Variants in FMN1 observed in about 807,000 individuals in gnomAD.
FMN1 encodes formin-1.
A neutral mutation model predicts 132.4 loss-of-function variants in FMN1; 110 were observed. The ratio of observed to expected loss-of-function variants is 0.83; its 90% CI spans 0.71 to 0.97. The LOEUF is 0.97. Ranked by LOEUF, FMN1 falls within the 50% of genes least tolerant of loss-of-function variation. FMN1 has a pLI of 0.00. For missense variants in FMN1, 1,792 were observed against 1,705.3 expected (o/e 1.05, Z -0.90); for synonymous variants, 722 against 651.7 (o/e 1.11, Z -1.64).
intron 4 of FMN1, among the ~76,000 whole-genome samples, chr15:33,115,502 C>CCA (rs1555402895): frequency 4.8e-5 from 7 of 146,712 alleles, no homozygotes; most frequent in African/African-American, 1.3e-4. Context: ...CCCCCCCCCC[C>CCA]CACACACACA....
At chr15:33,120,592 C>A (rs918953360) in intron 4 of FMN1, among the ~76,000 whole-genome samples, 2 of 140,776 alleles carry the variant, frequency 1.4e-5, no homozygotes, top group African/African-American at 5.4e-5. Flanking sequence ...CGAACACACA[C>A]GTAGTGATAC....
Position 33,185,760 on chromosome 15 carries a change from CAG to C in FMN1, c.-196-5500_-196-5499del, listed in dbSNP as rs1965863563. Among the ~76,000 whole-genome samples, 4 of 151,810 alleles carry C rather than the reference CAG, an allele frequency of 2.6e-5. No homozygotes were observed. In the South Asian group the frequency reaches 8.3e-4, roughly 32 times the overall value. On this transcript the variant is annotated intron_variant, in intron 2 of 20. Transcript: ENST00000616417. The stretch of plus-strand genomic sequence containing the variant: ...GCTAATTTTGTATTTTTAGTAGAGA[CAG>C]GGTTTCACCATGTTGGCCAGGCTGG...
chr15:33,139,451 C>CT (rs1963914232), intron 4 of FMN1, among the ~76,000 whole-genome samples: 1 of 119,242 alleles, frequency 8.4e-6, no homozygotes, highest in Non-Finnish European at 2.0e-5. Flanking sequence ...AAAAAATTAG[C>CT]CGGTGTAGAC....
At chr15:33,105,227 G>T (rs1362080066) in intron 4 of FMN1, among the ~76,000 whole-genome samples, 1 of 152,098 alleles carries the variant, frequency 6.6e-6, no homozygotes. Flanking sequence ...CCACTGGTCA[G>T]AACTGGGGAG....
rs148068664 is a variant in FMN1 at position 32,973,882 on chromosome 15, T to C, written c.2224-4405A>G. ...TGTTAGTACCACTTCACTTTGTACC[T>C]GGATATTATGTGCTGTTCCCCCTCC... On this transcript the variant is annotated intron_variant, in intron 7 of 20. Coordinates refer to ENST00000616417, the MANE Select transcript of FMN1 (RefSeq NM_001277313.2). 6.4e-3 allele frequency among the ~76,000 whole-genome samples: 981 copies of C among 152,322 alleles called. 9 individuals are homozygous for C. The highest frequency in any genetic ancestry group is 8.5e-3 in the Non-Finnish European group (580 of 68,016).
intron 7 of FMN1, 134 bp from the exon 8 acceptor site, chr15:32,969,611 C>G (rs914840613): frequency 8.5e-6 from 9 of 1,061,828 alleles, no homozygotes; most frequent in Middle Eastern, 2.3e-4. Flanking sequence ...CAGAGACATT[C>G]TTTTAAGAAT....
intron 3 of FMN1, among the ~76,000 whole-genome samples, chr15:33,173,495 A>G (rs1595599527): frequency 1.3e-5 from 2 of 152,338 alleles, no homozygotes; most frequent in East Asian, 3.9e-4. Flanking sequence ...TTCCCTAAGA[A>G]CTCAAAATGG....
chr15:33,003,015 C>A (rs140121009), intron 7 of FMN1, among the ~76,000 whole-genome samples: 1 of 152,186 alleles, frequency 6.6e-6, no homozygotes, highest in South Asian at 2.1e-4. Context: ...AATTCAACAA[C>A]ACTTCATGCT....
chr15:33,103,467 T>A (rs2039370272), intron 4 of FMN1, among the ~76,000 whole-genome samples: 1 of 152,114 alleles, frequency 6.6e-6, no homozygotes, highest in African/African-American at 2.4e-5. Flanking sequence ...ATTATTACTC[T>A]CTGCTCAGTG....
chr15:32,872,568 A>G (rs953696467), intron 16 of FMN1, among the ~76,000 whole-genome samples: 1 of 152,236 alleles, frequency 6.6e-6, no homozygotes, highest in Non-Finnish European at 1.5e-5. Context: ...ATTCTCTCAC[A>G]CATACACGTC....
chr15:33,123,130 AAGCCTTGTGGATCTATTTG>A (rs143199874), intron 4 of FMN1, among the ~76,000 whole-genome samples: 2,210 of 151,364 alleles, frequency 0.015, 60 homozygotes, highest in African/African-American at 0.051. Flanking sequence ...TCATATCGTC[AAGCCTTGTGGATCTATTTG>A]CGCAATGTTT....
intron 9 of FMN1, among the ~76,000 whole-genome samples, chr15:32,938,515 C>CAA (rs1476218273): frequency 6.6e-6 from 1 of 152,036 alleles, no homozygotes; most frequent in Admixed American, 6.5e-5. Flanking sequence ...GGTGACAGAG[C>CAA]AAAGACTCTG....
intron 10 of FMN1, among the ~76,000 whole-genome samples, chr15:32,919,477 T>C (rs1001404990): frequency 6.6e-6 from 1 of 152,224 alleles, no homozygotes; most frequent in African/African-American, 2.4e-5. Flanking sequence ...TGTAATCGCA[T>C]ATTGAGCCTT....
chr15:32,866,638 G>A (rs990697080), intron 16 of FMN1, among the ~76,000 whole-genome samples: 2 of 152,140 alleles, frequency 1.3e-5, no homozygotes, highest in Admixed American at 6.5e-5. Flanking sequence ...CAGTCCAACT[G>A]TCTTTTAAAA....
At chr15:32,801,411 C>T (rs1213008274) in intron 18 of FMN1, among the ~76,000 whole-genome samples, 1 of 152,120 alleles carries the variant, frequency 6.6e-6, no homozygotes, top group Admixed American at 6.5e-5. Flanking sequence ...TACACAGACT[C>T]CCAGAGGATG....
chr15:32,809,095 G>A, intron 17 of FMN1, among the ~76,000 whole-genome samples: 1 of 152,038 alleles, frequency 6.6e-6, no homozygotes, highest in East Asian at 1.9e-4. Context: ...TGGGAGTCAT[G>A]GGGGTGGATG....
At chr15:32,857,910 G>A (rs10152742) in intron 16 of FMN1, among the ~76,000 whole-genome samples, 83,879 of 152,042 alleles carry the variant, frequency 0.55, 23,768 homozygotes, top group Middle Eastern at 0.63. Context: ...CTATGTGTTT[G>A]TGCCAGTTAC....
rs530159432 is a variant in FMN1 at position 33,067,088 on chromosome 15, G to A, written c.2044-2014C>T. ...TGGAAGTTGGAATGACTTCTCTCCA[G>A]AGACTTCTTTTTTAGAAGAGGCACT... On this transcript the variant is annotated intron_variant, in intron 5 of 20. Coordinates refer to ENST00000616417, the MANE Select transcript of FMN1 (RefSeq NM_001277313.2). The A allele has an allele frequency of 1.4e-5, 23 of 1,613,990 alleles. No individual in the cohort carries two copies. The South Asian group carries it at 2.4e-4, about 17-fold the overall frequency.
intron 19 of FMN1, among the ~76,000 whole-genome samples, chr15:32,782,163 A>G (rs893644541): frequency 1.3e-5 from 2 of 152,098 alleles, no homozygotes; most frequent in Non-Finnish European, 2.9e-5. Flanking sequence ...TAGGTGTCTT[A>G]TTTTTCTTAA....
Sources: allele counts gnomAD v4.1 joint callset (sites outside exome capture counted in the v4.1 genomes callset), GRCh38; gene constraint gnomAD v4.1.1; transcripts MANE v1.5; gene names NCBI Gene and HGNC (gene_info 2026-07-23, HGNC 2026-07-21).